The following CFAP46 variants were observed in gnomAD, a reference collection of about 807,000 sequenced individuals.
The protein encoded by CFAP46 is cilia- and flagella-associated protein 46.
Under a neutral mutation model 325.7 loss-of-function variants are expected in CFAP46, and 245 were observed. The observed-to-expected ratio is 0.75, with a 90% confidence interval of 0.68 to 0.84. The LOEUF is 0.84. CFAP46 is among the 40% of genes least tolerant of loss of function. CFAP46 has a pLI of 0.00. For missense variants in CFAP46, 3,346 were observed against 3,543.0 expected (o/e 0.94, Z 1.41); for synonymous variants, 1,523 against 1,495.9 (o/e 1.02, Z -0.42).
rs1281765104 is a variant in CFAP46 at position 132,869,313 on chromosome 10, G to C, written c.4571C>G (p.Ala1524Gly). Residue 1524 changes from alanine (A) to glycine (G), a missense_variant, in exon 33 of 58, where the codon GCG becomes GGG. By Grantham distance (60) the Ala-to-Gly change is moderately conservative. Transcript: ENST00000368586. This position sits in a 1 kb window ranked among gnomAD's most constrained non-coding sequence, Gnocchi z 6.2. Reference protein sequence around the residue: ...LREAAARHEEAVGQVCVSELE... With the variant: ...LREAAARHEEGVGQVCVSELE... ...CTCGCTGACGCACACCTGCCCGACC[G>C]CCTCTTCATGGCGCGCGGCTGCTTC... 6.5e-7 allele frequency: 1 copy of C among 1,539,134 alleles called. No individual in the cohort carries two copies.
chr10:132,930,714 T>C (rs1591097960), intron 8 of CFAP46, among the ~76,000 whole-genome samples: 1 of 52,108 alleles, frequency 1.9e-5, no homozygotes, highest in Non-Finnish European at 3.4e-5. Flanking sequence ...GCCTGGACCT[T>C]CCTCCTCGCC....
At chr10:132,838,483 G>C (rs1848301557) in intron 44 of CFAP46, among the ~76,000 whole-genome samples, 1 of 152,284 alleles carries the variant, frequency 6.6e-6, no homozygotes, top group Non-Finnish European at 1.5e-5. Flanking sequence ...TCCCCACAAG[G>C]GGACCACAAC....
chr10:132,907,759 G>C (rs1418625850), intron 22 of CFAP46, among the ~76,000 whole-genome samples: 1 of 152,184 alleles, frequency 6.6e-6, no homozygotes, highest in African/African-American at 2.4e-5. Context: ...GCCTTTGAGG[G>C]GGGTTGGATC....
At chr10:132,929,561 T>C in intron 9 of CFAP46, 144 bp downstream of exon 9, 1 of 822,288 alleles carries the variant, frequency 1.2e-6, no homozygotes, top group Middle Eastern at 2.2e-4. Flanking sequence ...AAAACACAGG[T>C]AGGAAAGACG....
chr10:132,880,835 G>A, intron 28 of CFAP46, 26 bp downstream of exon 28: 2 of 1,538,442 alleles, frequency 1.3e-6, no homozygotes, highest in Non-Finnish European at 8.7e-7. Flanking sequence ...CGTGGGGTCG[G>A]CACCCTGCCA....
intron 39 of CFAP46, among the ~76,000 whole-genome samples, chr10:132,855,845 T>G (rs1848634227): frequency 1.3e-5 from 2 of 152,196 alleles, no homozygotes; most frequent in Admixed American, 6.5e-5. Context: ...TTATTATTGT[T>G]TAAGCAGCCA....
intron 35 of CFAP46, among the ~76,000 whole-genome samples, chr10:132,861,397 C>T (rs1361124082): frequency 6.6e-6 from 1 of 152,256 alleles, no homozygotes; most frequent in Non-Finnish European, 1.5e-5. Context: ...GATTTGTCTC[C>T]CTCTGCCTGA....
intron 55 of CFAP46, among the ~76,000 whole-genome samples, chr10:132,811,518 C>G (rs75841791): frequency 1.3e-5 from 2 of 152,130 alleles, no homozygotes; most frequent in Non-Finnish European, 2.9e-5. Context: ...AGGGGAGCCC[C>G]GGGCACTGGG....
chr10:132,885,356 C>A (rs1849106927), intron 26 of CFAP46, 70 bp from the exon 27 acceptor site: 4 of 1,412,048 alleles, frequency 2.8e-6, no homozygotes, highest in African/African-American at 1.4e-5. Context: ...GGTGATGCAG[C>A]CCGGACTTAT....
Position 132,868,847 on chromosome 10 carries a change from C to T in CFAP46, c.4610+427G>A, listed in dbSNP as rs539775791. 1.0e-4 allele frequency among the ~76,000 whole-genome samples: 16 copies of T among 152,386 alleles called. 1 individual carries two copies. In the South Asian group the frequency reaches 3.1e-3, roughly 30 times the overall value. On this transcript the variant is annotated intron_variant, in intron 33 of 57. Transcript: ENST00000368586. ...CTAAATCTAAAAGTGATTTGCTACA[C>T]TAACGAGAGTTAGTTGTTACACAGC...
intron 57 of CFAP46, among the ~76,000 whole-genome samples, chr10:132,809,136 C>T (rs907088641): frequency 4.6e-5 from 7 of 152,182 alleles, no homozygotes; most frequent in African/African-American, 1.4e-4. Context: ...ACCCCCGATC[C>T]GAAGCCCACC....
intron 8 of CFAP46, among the ~76,000 whole-genome samples, chr10:132,931,849 TCC>T (rs1849912332): frequency 7.6e-6 from 1 of 131,836 alleles, no homozygotes; most frequent in African/African-American, 3.0e-5. Context: ...AGCCTGGGCC[TCC>T]TTACACTCCC....
At chr10:132,814,802 T>C (rs1847660406) in intron 51 of CFAP46, 42 bp downstream of exon 51, 1 of 1,613,870 alleles carries the variant, frequency 6.2e-7, no homozygotes, top group Non-Finnish European at 8.5e-7. Flanking sequence ...GACCTCCCGC[T>C]GTGCCCACCA....
chr10:132,928,459 C>T (rs1464701074), intron 9 of CFAP46, among the ~76,000 whole-genome samples: 3 of 152,326 alleles, frequency 2.0e-5, no homozygotes, highest in Admixed American at 6.5e-5. Context: ...CCCTGGTGGG[C>T]GGTCCCTCCA....
At chr10:132,826,891 TAC>T (rs1283848850) in intron 50 of CFAP46, among the ~76,000 whole-genome samples, 3 of 152,126 alleles carry the variant, frequency 2.0e-5, no homozygotes, top group African/African-American at 4.8e-5. Flanking sequence ...GGCTTTGCAG[TAC>T]AGTCAGGAGG....
intron 8 of CFAP46, among the ~76,000 whole-genome samples, chr10:132,933,436 A>C (rs759882715): frequency 3.9e-5 from 6 of 152,244 alleles, no homozygotes; most frequent in Non-Finnish European, 5.9e-5. Flanking sequence ...ACAGAAGGGG[A>C]TGCTCGGCCA....
chr10:132,936,517 A>G (rs1850009284), intron 7 of CFAP46, among the ~76,000 whole-genome samples: 1 of 144,772 alleles, frequency 6.9e-6, no homozygotes, highest in South Asian at 2.3e-4. Flanking sequence ...TCGGCCCCCA[A>G]ATACACTGTG....
chr10:132,887,690 TCTC>T (rs1849176828), intron 25 of CFAP46, among the ~76,000 whole-genome samples: 1 of 107,554 alleles, frequency 9.3e-6, no homozygotes, highest in Non-Finnish European at 1.8e-5. Flanking sequence ...CTCTCCTCTC[TCTC>T]TCCTCTCCTC....
chr10:132,876,916 T>C lies in CFAP46; in HGVS notation c.4258A>G (p.Ser1420Gly). The stretch of plus-strand genomic sequence containing the variant: ...GAGTAGGAAGCCCACTCTTCTATGC[T>C]CATGGGTAAGTCTTCCAGTTGTTTG... ...PIKQLEDLPM[S>G]IEEWASYSCP... The change falls in exon 31 of 58, where the codon AGC becomes GGC. Residue 1420 changes from serine to glycine, a missense_variant. Ser to Gly is a moderately conservative substitution (Grantham distance 56). Coordinates refer to ENST00000368586, the MANE Select transcript of CFAP46 (RefSeq NM_001200049.3). This position sits in a 1 kb window ranked among gnomAD's most constrained non-coding sequence, Gnocchi z 4.1. 1 of 1,550,528 alleles carries C rather than the reference T, an allele frequency of 6.4e-7. No individual in the cohort carries two copies. The highest frequency in any genetic ancestry group is 8.7e-7 in the Non-Finnish European group (1 of 1,146,970).
Sources: allele counts gnomAD v4.1 joint callset (sites outside exome capture counted in the v4.1 genomes callset), GRCh38; gene constraint gnomAD v4.1.1; non-coding constraint Gnocchi (gnomAD v3.1); transcripts MANE v1.5; gene names NCBI Gene and HGNC (gene_info 2026-07-23, HGNC 2026-07-21).